The following TAF1B variants were observed in gnomAD, a reference collection of about 807,000 sequenced individuals.
TAF1B encodes TATA-box binding protein associated factor, RNA polymerase I subunit B, also known as TATA box-binding protein-associated factor RNA polymerase I subunit B.
A neutral mutation model predicts 83.9 loss-of-function variants in TAF1B; 61 were observed. The observed-to-expected ratio is 0.73, with a 90% CI of 0.59 to 0.90. The LOEUF is 0.90. Among genes scored for constraint, TAF1B ranks in the 40% least tolerant of loss-of-function variants. The probability of loss-of-function intolerance (pLI) is 0.00; values close to 1 mark genes in which losing one functional copy is unlikely to be tolerated. For synonymous variants in TAF1B, 221 were observed against 224.6 expected (o/e 0.98, Z 0.14); for missense variants, 625 against 677.0 (o/e 0.92, Z 0.85).
intron 7 of TAF1B, among the ~76,000 whole-genome samples, chr2:9,882,160 C>T (rs1664525841): frequency 6.6e-6 from 1 of 151,646 alleles, no homozygotes; most frequent in Non-Finnish European, 1.5e-5. Context: ...GGCTGGAGTG[C>T]AGTGGCGTTA....
Position 9,919,352 on chromosome 2 carries a change from G to A in TAF1B, c.1342+241G>A, listed in dbSNP as rs544905722. ...CTGCCAAAATCTAAAATCCTAAATCGTTATGATTTTGGAAATTCTTTGCTT... is the reference window on the plus strand; with the variant it reads ...CTGCCAAAATCTAAAATCCTAAATCATTATGATTTTGGAAATTCTTTGCTT... On this transcript the variant is annotated intron_variant, in intron 13 of 14. Coordinates refer to ENST00000263663, the MANE Select transcript of TAF1B (RefSeq NM_005680.3). Among the ~76,000 whole-genome samples, 7 of 152,196 alleles carry A rather than the reference G, an allele frequency of 4.6e-5. No homozygotes were observed. In the South Asian group the frequency reaches 1.0e-3, roughly 23 times the overall value.
chr2:9,889,998 T>G (rs1202493653), intron 8 of TAF1B, among the ~76,000 whole-genome samples: 1 of 151,346 alleles, frequency 6.6e-6, no homozygotes, highest in African/African-American at 2.4e-5. Context: ...GCAAAACACA[T>G]GAGAGGGCCC....
At chr2:9,859,485 C>T (rs1663681408) in intron 5 of TAF1B, among the ~76,000 whole-genome samples, 1 of 150,282 alleles carries the variant, frequency 6.7e-6, no homozygotes, top group African/African-American at 2.4e-5. Flanking sequence ...CTCCTGGATT[C>T]AAGCGATTTT....
chr2:9,917,121 C>CCCAA (rs1665706688), intron 12 of TAF1B, among the ~76,000 whole-genome samples: 1 of 152,174 alleles, frequency 6.6e-6, no homozygotes, highest in Non-Finnish European at 1.5e-5. Context: ...GCTGGGATTA[C>CCCAA]AGGCATGAGC....
At chr2:9,844,432 A>T (rs557445705) in intron 1 of TAF1B, 1 of 152,302 alleles carries the variant, frequency 6.6e-6, no homozygotes, top group Non-Finnish European at 1.5e-5. Context: ...TGCTGGGATT[A>T]TAGGGGTGAT....
At chr2:9,884,084 T>C (rs1664594996) in intron 8 of TAF1B, among the ~76,000 whole-genome samples, 1 of 152,134 alleles carries the variant, frequency 6.6e-6, no homozygotes, top group African/African-American at 2.4e-5. Context: ...AAGCATGGGG[T>C]CTGGCCAGTC....
intron 8 of TAF1B, among the ~76,000 whole-genome samples, chr2:9,893,641 C>A (rs437906): frequency 0.28 from 42,410 of 151,988 alleles, 6,895 homozygotes; most frequent in Middle Eastern, 0.39. Context: ...GTGAGCTATG[C>A]TCATGCCACT....
intron 6 of TAF1B, 80 bp from the exon 7 acceptor site, chr2:9,875,785 C>A: frequency 1.4e-6 from 2 of 1,418,716 alleles, no homozygotes; most frequent in Non-Finnish European, 9.5e-7. Context: ...TTTAAAATGC[C>A]TGTTTAGATT....
chr2:9,848,482 C>T (rs545812571), intron 2 of TAF1B, among the ~76,000 whole-genome samples: 3 of 152,226 alleles, frequency 2.0e-5, no homozygotes, highest in African/African-American at 4.8e-5. Flanking sequence ...GCCTGACCAA[C>T]GTGGAGAAAC....
rs1282924585 is a variant in TAF1B at position 9,849,592 on chromosome 2, TCTATC to T, written c.205+137_205+141del. On this transcript the variant is annotated intron_variant, in intron 3 of 14. Transcript: ENST00000263663. ...GATTTTATCTACTGGCATACGTTCT[TCTATC>T]CTATGTCTGTATTCATTGTGGGTGA... 78 of 578,400 alleles carry T rather than the reference TCTATC, an allele frequency of 1.3e-4. No homozygotes were observed. In the East Asian group the frequency reaches 2.4e-3, roughly 18 times the overall value. The allele number at this position is 578,400 out of a possible 1,614,324, so 35.8% of individuals were successfully genotyped here.
At chr2:9,873,127 C>T (rs948380196) in intron 6 of TAF1B, among the ~76,000 whole-genome samples, 2 of 152,200 alleles carry the variant, frequency 1.3e-5, no homozygotes, top group African/African-American at 4.8e-5. Flanking sequence ...CAAAGTAGAA[C>T]TGTTGGGCCT....
intron 8 of TAF1B, among the ~76,000 whole-genome samples, chr2:9,887,836 T>C (rs184893390): frequency 6.6e-6 from 1 of 152,246 alleles, no homozygotes; most frequent in Admixed American, 6.5e-5. Context: ...TAATTAAGAA[T>C]TTTTTGTTGT....
Position 9,929,448 on chromosome 2 carries a change from G to A in TAF1B, c.1566-4335G>A, listed in dbSNP as rs575166750. Among the ~76,000 whole-genome samples the A allele has an allele frequency of 7.9e-5, 12 of 152,256 alleles. No homozygotes were observed. The East Asian group carries it at 9.7e-4, about 12-fold the overall frequency. ...GCTGGGATTACAGGCGCGAGCCACCGTGCCTGGCCTTTGGTTCTGTTTATG... is the reference window on the plus strand; with the variant it reads ...GCTGGGATTACAGGCGCGAGCCACCATGCCTGGCCTTTGGTTCTGTTTATG... On this transcript the variant is annotated intron_variant, in intron 14 of 14. Coordinates refer to ENST00000263663, the MANE Select transcript of TAF1B (RefSeq NM_005680.3).
At chr2:9,876,833 T>TATGAGGTA (rs1664334876) in intron 7 of TAF1B, among the ~76,000 whole-genome samples, 1 of 152,210 alleles carries the variant, frequency 6.6e-6, no homozygotes, top group Admixed American at 6.5e-5. Flanking sequence ...GGGTTGTAAC[T>TATGAGGTA]ACTTTCAATA....
At chr2:9,852,852 C>G (rs1476914173) in intron 4 of TAF1B, among the ~76,000 whole-genome samples, 1 of 152,158 alleles carries the variant, frequency 6.6e-6, no homozygotes, top group Non-Finnish European at 1.5e-5. Context: ...GCTGCAGTCA[C>G]CAAGGAAAGA....
At chr2:9,859,239 C>G (rs896032388) in intron 5 of TAF1B, among the ~76,000 whole-genome samples, 2 of 152,158 alleles carry the variant, frequency 1.3e-5, no homozygotes, top group African/African-American at 4.8e-5. Flanking sequence ...CTTCAAAGTT[C>G]TGCAGATCTC....
At chr2:9,920,626 C>T (rs914990135) in intron 14 of TAF1B, among the ~76,000 whole-genome samples, 10 of 151,892 alleles carry the variant, frequency 6.6e-5, no homozygotes, top group Non-Finnish European at 1.3e-4. Flanking sequence ...TAGTGATCAC[C>T]CAGTCAAGGT....
At chr2:9,851,040 C>T (rs997821125) in intron 3 of TAF1B, among the ~76,000 whole-genome samples, 1 of 152,188 alleles carries the variant, frequency 6.6e-6, no homozygotes, top group Non-Finnish European at 1.5e-5. Context: ...GACATTCGTT[C>T]ACTCATTCAC....
intron 14 of TAF1B, among the ~76,000 whole-genome samples, chr2:9,924,492 A>C (rs1412002509): frequency 1.3e-5 from 2 of 152,248 alleles, no homozygotes; most frequent in Non-Finnish European, 2.9e-5. Flanking sequence ...CAGAGCCTGA[A>C]GTTCATGGCT....
Sources: allele counts gnomAD v4.1 joint callset (sites outside exome capture counted in the v4.1 genomes callset), GRCh38; gene constraint gnomAD v4.1.1; transcripts MANE v1.5; gene names NCBI Gene and HGNC (gene_info 2026-07-23, HGNC 2026-07-21).